The following DIP2C variants were observed in gnomAD, a reference collection of about 807,000 sequenced individuals.
DIP2C encodes disco-interacting protein 2 homolog C.
Under a neutral mutation model 192.4 loss-of-function variants are expected in DIP2C, and 33 were observed. That is an observed-to-expected ratio of 0.17 (90% CI 0.13 to 0.23). The LOEUF is 0.23. Among genes scored for constraint, DIP2C ranks in the 10% least tolerant of loss-of-function variants. The pLI is 1.00. For synonymous variants in DIP2C, 979 were observed against 864.1 expected (o/e 1.13, Z -2.33); for missense variants, 1,537 against 2,110.1 (o/e 0.73, Z 5.32).
chr10:567,055 T>C (rs1221183827), intron 1 of DIP2C, among the ~76,000 whole-genome samples: 2 of 152,102 alleles, frequency 1.3e-5, no homozygotes, highest in African/African-American at 4.8e-5. Context: ...AAGACTCAAC[T>C]TGGTTGCACA....
At chr10:359,392 C>T (rs1038779760) in intron 22 of DIP2C, among the ~76,000 whole-genome samples, 3 of 152,206 alleles carry the variant, frequency 2.0e-5, no homozygotes, top group African/African-American at 7.2e-5. Context: ...GGAGAACGGT[C>T]TATGAGCAGA....
intron 1 of DIP2C, among the ~76,000 whole-genome samples, chr10:635,321 G>A (rs1231981052): frequency 6.6e-6 from 1 of 152,192 alleles, no homozygotes; most frequent in Non-Finnish European, 1.5e-5. Flanking sequence ...TCTCCACATC[G>A]GCCGGCACCT....
rs1954506872 is a variant in DIP2C, at chr10:276,186, GCA to G, written c.*1137_*1138del. 6.6e-6 allele frequency: 1 copy of G among 152,652 alleles called. No individual in the cohort carries two copies. The highest frequency in any genetic ancestry group is 1.5e-5 in the Non-Finnish European group (1 of 68,048). 9.5% of individuals were successfully genotyped at this position (152,652 alleles called of 1,614,324 possible). On this transcript the variant is annotated 3_prime_UTR_variant, in exon 37 of 37. Transcript: ENST00000280886. ...AACCTAAAGCCCCTCAGTATCATCA[GCA>G]CACGCTGGCATAAACACATTCACTG...
intron 8 of DIP2C, 93 bp from the exon 9 acceptor site, chr10:409,110 C>G: frequency 7.7e-7 from 1 of 1,300,748 alleles, no homozygotes; most frequent in Non-Finnish European, 1.1e-6. Flanking sequence ...GTCCATTCTG[C>G]TTCCTGCGTA....
Position 281,248 on chromosome 10 carries a change from A to C in DIP2C, c.4370T>G (p.Ile1457Ser), listed in dbSNP as rs747997042. 6.2e-7 allele frequency: 1 copy of C among 1,614,106 alleles called. No individual in the cohort carries two copies. Among genetic ancestry groups the C allele is most frequent in the Non-Finnish European group, 8.5e-7 (1 of 1,180,024 alleles). ...MELRGMRYHP[I>S]DIETSVIRAH... is the part of the protein sequence containing the mutation. ...TCTGATGACCGAGGTCTCAATGTCG[A>C]TTGGGTGGTACCGCATGCCCCGCAG... is the stretch of plus-strand genomic sequence containing the variant. The change falls in exon 36 of 37, where the codon ATC becomes AGC. Residue 1457 changes from isoleucine to serine, a missense_variant. Coordinates refer to ENST00000280886, the MANE Select transcript of DIP2C (RefSeq NM_014974.3).
chr10:676,241 A>C (rs1830872409), intron 1 of DIP2C, among the ~76,000 whole-genome samples: 1 of 152,224 alleles, frequency 6.6e-6, no homozygotes, highest in Non-Finnish European at 1.5e-5. Flanking sequence ...TCAACAAACT[A>C]GGCACTGAAG....
rs557440047 is a variant in DIP2C at position 593,141 on chromosome 10, C to G, written c.85+96353G>C. On this transcript the variant is annotated intron_variant, in intron 1 of 36. Coordinates refer to ENST00000280886, the MANE Select transcript of DIP2C (RefSeq NM_014974.3). The stretch of plus-strand genomic sequence containing the variant: ...GAGGCAGTCCCCACACCTTTGAGGG[C>G]ACTGGTCTCCTCTGCCGCCTTCCTG... 2.6e-5 allele frequency among the ~76,000 whole-genome samples: 4 copies of G among 152,114 alleles called. No individual in the cohort carries two copies. In the South Asian group the frequency reaches 8.3e-4, roughly 32 times the overall value.
chr10:543,666 G>A (rs144526692), intron 1 of DIP2C, among the ~76,000 whole-genome samples: 1,975 of 152,304 alleles, frequency 0.013, 28 homozygotes, highest in Non-Finnish European at 0.021. Context: ...GGGGACATGA[G>A]TTACATAGTA....
intron 32 of DIP2C, among the ~76,000 whole-genome samples, chr10:306,529 T>C (rs1299908063): frequency 1.3e-5 from 2 of 152,148 alleles, no homozygotes; most frequent in African/African-American, 2.4e-5. Context: ...GAGTGTGCCA[T>C]TAAAGCAACA....
At chr10:662,296 G>A (rs1856808159) in intron 1 of DIP2C, among the ~76,000 whole-genome samples, 1 of 152,218 alleles carries the variant, frequency 6.6e-6, no homozygotes, top group African/African-American at 2.4e-5. Context: ...AAGTGAATAC[G>A]CACTTGGAGA....
intron 8 of DIP2C, among the ~76,000 whole-genome samples, chr10:412,944 C>A (rs1965282023): frequency 6.6e-6 from 1 of 152,140 alleles, no homozygotes; most frequent in Non-Finnish European, 1.5e-5. Flanking sequence ...CAATATGAAC[C>A]ATTTTGGTCC....
At chr10:576,019 G>A (rs1188378064) in intron 1 of DIP2C, among the ~76,000 whole-genome samples, 1 of 152,182 alleles carries the variant, frequency 6.6e-6, no homozygotes, top group Non-Finnish European at 1.5e-5. Context: ...TGCTCCTGAG[G>A]CCACACCTGT....
intron 1 of DIP2C, among the ~76,000 whole-genome samples, chr10:526,808 C>G (rs1430906904): frequency 6.6e-6 from 1 of 152,202 alleles, no homozygotes; most frequent in Admixed American, 6.5e-5. Context: ...TCCGTCCCGC[C>G]AGCACCATCT....
At chr10:395,428 CAGTT>C (rs1369323474) in intron 10 of DIP2C, among the ~76,000 whole-genome samples, 2 of 152,048 alleles carry the variant, frequency 1.3e-5, no homozygotes, top group Non-Finnish European at 2.9e-5. Flanking sequence ...TATAACTTGT[CAGTT>C]AAAATAATAT....
At chr10:334,905 T>C (rs1033315968) in intron 29 of DIP2C, among the ~76,000 whole-genome samples, 1 of 152,178 alleles carries the variant, frequency 6.6e-6, no homozygotes, top group Non-Finnish European at 1.5e-5. Context: ...TAAAACTGCT[T>C]TCACTATTGT....
intron 4 of DIP2C, among the ~76,000 whole-genome samples, chr10:435,453 G>A (rs1169533070): frequency 6.6e-6 from 1 of 152,196 alleles, no homozygotes; most frequent in Non-Finnish European, 1.5e-5. Flanking sequence ...GTATGCACAG[G>A]CCTCCTGGAC....
intron 1 of DIP2C, among the ~76,000 whole-genome samples, chr10:527,056 C>T (rs1847096301): frequency 6.6e-6 from 1 of 152,214 alleles, no homozygotes; most frequent in Non-Finnish European, 1.5e-5. Flanking sequence ...AGCCACCACA[C>T]ATTCAGTGAG....
chr10:329,383 G>A (rs1356637911), intron 30 of DIP2C, 50 bp downstream of exon 30: 3 of 1,548,408 alleles, frequency 1.9e-6, no homozygotes, highest in Non-Finnish European at 2.6e-6. Context: ...TTCTTAGAAA[G>A]GAGTCCCTGT....
intron 4 of DIP2C, among the ~76,000 whole-genome samples, chr10:429,234 C>G (rs1313931413): frequency 3.2e-5 from 2 of 62,446 alleles, no homozygotes; most frequent in African/African-American, 2.0e-4. Flanking sequence ...GCCTCCCCCC[C>G]GGACCCTGGC....
Sources: allele counts gnomAD v4.1 joint callset (sites outside exome capture counted in the v4.1 genomes callset), GRCh38; gene constraint gnomAD v4.1.1; transcripts MANE v1.5; gene names NCBI Gene and HGNC (gene_info 2026-07-23, HGNC 2026-07-21).